Variants in KLK5 observed in about 807,000 individuals in gnomAD.
The protein encoded by KLK5 is kallikrein related peptidase 5, also known as kallikrein-5.
Under a neutral mutation model 24.0 loss-of-function variants are expected in KLK5, and 18 were observed. The ratio of observed to expected loss-of-function variants is 0.75; its 90% CI spans 0.52 to 1.11. The LOEUF (loss-of-function observed/expected upper bound fraction) is 1.11, where lower values mean the gene tolerates loss of function less well. Among genes scored for constraint, KLK5 ranks in the 50% most tolerant of loss-of-function variants. The pLI is 0.00. For missense variants in KLK5, 374 were observed against 379.2 expected (o/e 0.99, Z 0.11); for synonymous variants, 140 against 154.0 (o/e 0.91, Z 0.67).
rs1332850159 is a variant in KLK5 at position 50,944,179 on chromosome 19, AT to A, written c.727-394del. Among the ~76,000 whole-genome samples, 4 of 151,394 alleles carry A rather than the reference AT, an allele frequency of 2.6e-5. No homozygotes were observed. The South Asian group carries it at 6.3e-4, about 24-fold the overall frequency. Reference sequence around the variant, plus strand: ...TCACCACACCCGGCTAATTTTTTGTATTTTTTTTGTAGAGACGGGGTTTCAC... The same window carrying A: ...TCACCACACCCGGCTAATTTTTTGTATTTTTTTGTAGAGACGGGGTTTCAC... On this transcript the variant is annotated intron_variant, in intron 5 of 5. Coordinates refer to ENST00000336334, the MANE Select transcript of KLK5 (RefSeq NM_012427.5).
At position 50,947,014 on chromosome 19, in the gene KLK5, T is replaced by C. The variant is rs1432109295; in HGVS notation, c.726+1626A>G. 6.6e-6 allele frequency among the ~76,000 whole-genome samples: 1 copy of C among 151,722 alleles called. No individual in the cohort carries two copies. Among genetic ancestry groups the C allele is most frequent in the Admixed American group, 6.6e-5 (1 of 15,218 alleles). On this transcript the variant is annotated intron_variant, in intron 5 of 5. Transcript: ENST00000336334. The surrounding 1 kb of genome is among the most constrained non-coding windows in gnomAD (Gnocchi z 8.7). Reference sequence around the variant, plus strand: ...TTTCATAGCCATGGGACTGGAGTACTCCTGAATCCCCAGCTTCCTAACTAC... The same window carrying C: ...TTTCATAGCCATGGGACTGGAGTACCCCTGAATCCCCAGCTTCCTAACTAC...
chr19:50,943,474 T>G lies in KLK5; in HGVS notation c.*157A>C. 9.1e-6 allele frequency: 6 copies of G among 660,198 alleles called. No homozygotes were observed. Among genetic ancestry groups the G allele is most frequent in the Non-Finnish European group, 1.6e-5 (6 of 385,684 alleles). The allele number at this position is 660,198 out of a possible 1,614,324, so 40.9% of individuals were successfully genotyped here. ...AACTAGAGAGACACGGTCAGCCCAA[T>G]GTGGGGGAAGCAGACCCTGAGTCCA... On this transcript the variant is annotated 3_prime_UTR_variant, in exon 6 of 6. Coordinates refer to ENST00000336334, the MANE Select transcript of KLK5 (RefSeq NM_012427.5).
At chr19:50,950,883 C>T (rs1024752969) in intron 2 of KLK5, among the ~76,000 whole-genome samples, 5 of 79,210 alleles carry the variant, frequency 6.3e-5, no homozygotes, top group African/African-American at 2.8e-4. Flanking sequence ...GAGAGCAAGA[C>T]TGTCTCCAAA....
chr19:50,947,428 A>G lies in KLK5; in HGVS notation c.726+1212T>C, dbSNP rs532049941. 6.6e-6 allele frequency among the ~76,000 whole-genome samples: 1 copy of G among 152,028 alleles called. No homozygotes were observed. The highest frequency in any genetic ancestry group is 6.5e-5 in the Admixed American group (1 of 15,272). On this transcript the variant is annotated intron_variant, in intron 5 of 5. Coordinates refer to ENST00000336334, the MANE Select transcript of KLK5 (RefSeq NM_012427.5). This position sits in a 1 kb window ranked among gnomAD's most constrained non-coding sequence, Gnocchi z 8.7. ...GTCATCCATTCTCTGCTCAAATGCCACCTCTCCAAGGAGGCTCCCCTGACC... is the reference window on the plus strand; with the variant it reads ...GTCATCCATTCTCTGCTCAAATGCCGCCTCTCCAAGGAGGCTCCCCTGACC...
intron 2 of KLK5, 33 bp from the exon 3 acceptor site, chr19:50,950,149 G>GGGGCGGGGCTC: frequency 6.6e-7 from 1 of 1,513,572 alleles, no homozygotes. Context: ...GCGGGGCTCA[G>GGGGCGGGGCTC]AGGCGGGGCT....
intron 5 of KLK5, among the ~76,000 whole-genome samples, chr19:50,948,275 C>T (rs2090652533): frequency 6.6e-6 from 1 of 152,092 alleles, no homozygotes; most frequent in Non-Finnish European, 1.5e-5. Flanking sequence ...GCGCCCGCCA[C>T]CATGCCAGGC....
rs1218036216 is a variant in KLK5, at chr19:50,947,456, C to T, written c.726+1184G>A. Among the ~76,000 whole-genome samples, 1 of 152,158 alleles carries T rather than the reference C, an allele frequency of 6.6e-6. No individual in the cohort carries two copies. Among genetic ancestry groups the T allele is most frequent in the Non-Finnish European group, 1.5e-5 (1 of 68,030 alleles). ...TCTCCAAGGAGGCTCCCCTGACCAC[C>T]TTTTTGAATATTGGCCCTTATTGTT... On this transcript the variant is annotated intron_variant, in intron 5 of 5. Transcript: ENST00000336334. This position sits in a 1 kb window ranked among gnomAD's most constrained non-coding sequence, Gnocchi z 8.7.
intron 5 of KLK5, among the ~76,000 whole-genome samples, chr19:50,946,902 A>AC (rs927415617): frequency 2.1e-5 from 3 of 142,962 alleles, no homozygotes; most frequent in South Asian, 2.5e-4. Context: ...CTCGCAACCC[A>AC]CCCCCCCACA....
At chr19:50,949,350 C>A (rs1193529859) in intron 3 of KLK5, among the ~76,000 whole-genome samples, 1 of 151,702 alleles carries the variant, frequency 6.6e-6, no homozygotes, top group Non-Finnish European at 1.5e-5. Flanking sequence ...TCACCATATG[C>A]ATTCTCAAGC....
At chr19:50,950,886 T>G (rs2090681189) in intron 2 of KLK5, among the ~76,000 whole-genome samples, 2 of 51,474 alleles carry the variant, frequency 3.9e-5, no homozygotes, top group African/African-American at 9.9e-5. Context: ...AGCAAGACTG[T>G]CTCCAAAAAA....
At chr19:50,945,380 G>T (rs1435118633) in intron 5 of KLK5, among the ~76,000 whole-genome samples, 1 of 151,266 alleles carries the variant, frequency 6.6e-6, no homozygotes, top group Non-Finnish European at 1.5e-5. Flanking sequence ...GGTCTGTTTT[G>T]CCTGATGCCA....
chr19:50,948,572 T>G, intron 5 of KLK5, 68 bp downstream of exon 5: 2 of 1,537,330 alleles, frequency 1.3e-6, no homozygotes, highest in Non-Finnish European at 1.8e-6. Flanking sequence ...TCTCAGAATT[T>G]GGCAACGCTC....
chr19:50,945,275 ATTTTT>A (rs10586385), intron 5 of KLK5, among the ~76,000 whole-genome samples: 1 of 146,790 alleles, frequency 6.8e-6, no homozygotes, highest in Non-Finnish European at 1.5e-5. Context: ...CACCCGGCTA[ATTTTT>A]TTTTTTTTTA....
intron 3 of KLK5, among the ~76,000 whole-genome samples, chr19:50,949,343 C>T (rs2090663840): frequency 6.6e-6 from 1 of 151,620 alleles, no homozygotes; most frequent in African/African-American, 2.4e-5. Flanking sequence ...GAAGCCATCA[C>T]CATATGCATT....
intron 5 of KLK5, among the ~76,000 whole-genome samples, chr19:50,946,560 TTTTC>T (rs1302094306): frequency 7.8e-6 from 1 of 128,848 alleles, no homozygotes; most frequent in African/African-American, 4.4e-5. Flanking sequence ...ATTTCTTTTC[TTTTC>T]TTTTTTTTTT....
chr19:50,951,410 T>C (rs2090686798), intron 2 of KLK5, among the ~76,000 whole-genome samples: 1 of 152,016 alleles, frequency 6.6e-6, no homozygotes, highest in African/African-American at 2.4e-5. Flanking sequence ...GTAGCTGGGA[T>C]TACAGGCACG....
At chr19:50,950,378 A>C in intron 2 of KLK5, 1 of 528,704 alleles carries the variant, frequency 1.9e-6, no homozygotes, top group Non-Finnish European at 3.4e-6. Context: ...TGAGGGTAAA[A>C]TTGGGTACAG....
intron 5 of KLK5, among the ~76,000 whole-genome samples, chr19:50,946,819 A>C (rs1485365784): frequency 6.6e-6 from 1 of 151,854 alleles, no homozygotes; most frequent in Non-Finnish European, 1.5e-5. Flanking sequence ...TCGGCCTCCC[A>C]AAGTGTTGGG....
chr19:50,943,608 G>T lies in KLK5; in HGVS notation c.*23C>A. On this transcript the variant is annotated 3_prime_UTR_variant, in exon 6 of 6. Transcript: ENST00000336334. ...TGTCCCTGCAGCAGGTGGGGATGCC[G>T]GTGTGCTGAGTCCTGGGATGACTCA... 1 of 1,602,578 alleles carries T rather than the reference G, an allele frequency of 6.2e-7. No homozygotes were observed. The highest frequency in any genetic ancestry group is 1.1e-5 in the South Asian group (1 of 90,354).
Sources: allele counts gnomAD v4.1 joint callset (sites outside exome capture counted in the v4.1 genomes callset), GRCh38; gene constraint gnomAD v4.1.1; non-coding constraint Gnocchi (gnomAD v3.1); transcripts MANE v1.5; gene names NCBI Gene and HGNC (gene_info 2026-07-23, HGNC 2026-07-21).